The following ANOS1 variants were observed in gnomAD, a reference collection of about 807,000 sequenced individuals.
ANOS1 encodes anosmin-1.
ANOS1 carries 6 observed loss-of-function variants against 59.0 expected under a neutral mutation model. That is an observed-to-expected ratio of 0.10 (90% CI 0.06 to 0.20). ANOS1 has a LOEUF of 0.20. Ranked by LOEUF, ANOS1 falls within the 10% of genes least tolerant of loss-of-function variation. ANOS1 has a pLI of 1.00. For missense variants in ANOS1, 433 were observed against 542.3 expected, an observed-to-expected ratio of 0.80 and a Z score of 2.00; for synonymous variants, 217 against 223.4, an observed-to-expected ratio of 0.97 and a Z score of 0.25.
chrX:8,694,343 T>C (rs942380149), intron 2 of ANOS1, among the ~76,000 whole-genome samples: 22 of 112,689 alleles, frequency 2.0e-4, no homozygotes, highest in Non-Finnish European at 1.3e-4. Flanking sequence ...GAGTAATTTG[T>C]TATTTAAGAG....
At position 8,658,151 on chromosome X, in the gene ANOS1, T is replaced by C. The variant is rs73465355; in HGVS notation, c.256-34481A>G. On this transcript the variant is annotated intron_variant, in intron 2 of 13. Coordinates refer to ENST00000262648, the MANE Select transcript of ANOS1 (RefSeq NM_000216.4). ...GAAAGAGCTGTGGGTGCTCAATGTATTGGCAAGCACCATGGAAGGGACATG... is the reference window on the plus strand; with the variant it reads ...GAAAGAGCTGTGGGTGCTCAATGTACTGGCAAGCACCATGGAAGGGACATG... Among the ~76,000 whole-genome samples, 1,075 of 112,012 alleles carry C rather than the reference T, an allele frequency of 9.6e-3. 12 individuals are homozygous for C. The highest frequency in any genetic ancestry group is 0.033 in the African/African-American group (1,011 of 30,821).
At position 8,604,866 on chromosome X, in the gene ANOS1, G is replaced by T. The variant is rs185650993; in HGVS notation, c.319-7610C>A. The stretch of plus-strand genomic sequence containing the variant: ...TGAACACAGTGTCTCTGAAGTCAGT[G>T]ACATCAAAAAAATAGCACATGCTCT... On this transcript the variant is annotated intron_variant, in intron 3 of 13. Transcript: ENST00000262648. Among the ~76,000 whole-genome samples, 10 of 112,489 alleles carry T rather than the reference G, an allele frequency of 8.9e-5. No homozygotes were observed. The East Asian group carries it at 2.8e-3, about 31-fold the overall frequency.
intron 6 of ANOS1, among the ~76,000 whole-genome samples, chrX:8,581,474 A>T (rs777437738): frequency 9.0e-6 from 1 of 111,702 alleles, no homozygotes; most frequent in South Asian, 3.7e-4. Context: ...TTACATTTCC[A>T]TATGTCTCAA....
chrX:8,698,134 G>T (rs918115720), intron 2 of ANOS1, among the ~76,000 whole-genome samples: 1 of 112,070 alleles, frequency 8.9e-6, no homozygotes, highest in African/African-American at 3.2e-5. Flanking sequence ...CAGAGTTTCA[G>T]TTGGGCTTAA....
At chrX:8,715,957 G>A (rs748740338) in intron 1 of ANOS1, among the ~76,000 whole-genome samples, 1 of 110,489 alleles carries the variant, frequency 9.1e-6, no homozygotes, top group African/African-American at 3.3e-5. Flanking sequence ...ATGACAGCCA[G>A]CGCGTCTGTA....
In ANOS1 at chrX:8,677,180, G is replaced by A. The variant is rs751807794; in HGVS notation, c.255+22518C>T. On this transcript the variant is annotated intron_variant, in intron 2 of 13. Transcript: ENST00000262648. ...TATTGGGCCGATGGTTCCTTGCGAT[G>A]GTGGCTGTTCTGTGCATGGTAACAC... Among the ~76,000 whole-genome samples, 11 of 111,211 alleles carry A rather than the reference G, an allele frequency of 9.9e-5. No homozygotes were observed. In the South Asian group the frequency reaches 3.4e-3, roughly 35 times the overall value.
intron 6 of ANOS1, among the ~76,000 whole-genome samples, chrX:8,574,340 G>A (rs1318123901): frequency 9.3e-6 from 1 of 107,883 alleles, no homozygotes; most frequent in African/African-American, 3.4e-5. Context: ...ATTATGCCTT[G>A]CTTTATTATT....
intron 2 of ANOS1, among the ~76,000 whole-genome samples, chrX:8,669,403 T>G (rs1331068650): frequency 9.0e-6 from 1 of 111,461 alleles, no homozygotes; most frequent in Non-Finnish European, 1.9e-5. Flanking sequence ...AATGTATCGA[T>G]AGTAATCCAT....
intron 1 of ANOS1, among the ~76,000 whole-genome samples, chrX:8,705,384 T>C (rs1371917409): frequency 8.9e-6 from 1 of 111,956 alleles, no homozygotes; most frequent in African/African-American, 3.2e-5. Context: ...AATGCATCCA[T>C]AGTTCCTTTT....
At chrX:8,716,364 C>T (rs1398929454) in intron 1 of ANOS1, among the ~76,000 whole-genome samples, 1 of 111,989 alleles carries the variant, frequency 8.9e-6, no homozygotes, top group Non-Finnish European at 1.9e-5. Context: ...CAGAATGCTA[C>T]AAGGTCTCAT....
At chrX:8,600,590 A>T (rs1930824065) in intron 3 of ANOS1, among the ~76,000 whole-genome samples, 1 of 112,224 alleles carries the variant, frequency 8.9e-6, no homozygotes, top group Non-Finnish European at 1.9e-5. Flanking sequence ...TAATTTAATT[A>T]AAAAGAAACT....
intron 4 of ANOS1, among the ~76,000 whole-genome samples, chrX:8,588,751 A>T (rs989713001): frequency 8.9e-6 from 1 of 112,545 alleles, no homozygotes; most frequent in Admixed American, 9.4e-5. Context: ...GTTGTCTGGC[A>T]ACTGATACAT....
At chrX:8,590,342 T>C (rs1472746079) in intron 4 of ANOS1, among the ~76,000 whole-genome samples, 1 of 109,239 alleles carries the variant, frequency 9.2e-6, no homozygotes, top group East Asian at 2.8e-4. Context: ...TGTTTATGGT[T>C]TTTTTGTTTG....
chrX:8,729,953 C>T (rs1378979990), intron 1 of ANOS1, among the ~76,000 whole-genome samples: 1 of 110,472 alleles, frequency 9.1e-6, no homozygotes, highest in Non-Finnish European at 1.9e-5. Flanking sequence ...CTTATTTCAC[C>T]CCCAGCTAAT....
chrX:8,567,802 CAAACA>C (rs751853043), intron 8 of ANOS1, among the ~76,000 whole-genome samples: 11 of 110,710 alleles, frequency 9.9e-5, no homozygotes, highest in Non-Finnish European at 1.7e-4. Context: ...TCAAAAATAC[CAAACA>C]AAACAAAACA....
chrX:8,696,609 T>C (rs1163780746), intron 2 of ANOS1, among the ~76,000 whole-genome samples: 5 of 112,892 alleles, frequency 4.4e-5, no homozygotes, highest in Non-Finnish European at 9.4e-5. Flanking sequence ...AAAGTAAAAC[T>C]GCTGAGGACT....
At chrX:8,585,512 C>T (rs1451308966) in intron 5 of ANOS1, 116 bp from the exon 6 acceptor site, 1 of 847,037 alleles carries the variant, frequency 1.2e-6, no homozygotes, top group African/African-American at 2.0e-5. Context: ...AGTCTGTCTT[C>T]CCCCTGATAA....
intron 3 of ANOS1, among the ~76,000 whole-genome samples, chrX:8,600,708 G>T (rs1276624290): frequency 8.9e-6 from 1 of 112,073 alleles, no homozygotes; most frequent in Non-Finnish European, 1.9e-5. Context: ...ATTGAGTTTT[G>T]AAGCTCTAAG....
At chrX:8,544,181 G>C (rs1490865120) in intron 9 of ANOS1, among the ~76,000 whole-genome samples, 1 of 108,799 alleles carries the variant, frequency 9.2e-6, no homozygotes, top group East Asian at 2.9e-4. Flanking sequence ...AAAGTCTAAT[G>C]ACAAAGAATG....
Sources: gnomAD v4.1 joint callset for allele counts (sites outside exome capture counted in the v4.1 genomes callset) on GRCh38, gnomAD v4.1.1 for gene constraint, MANE v1.5 for transcripts, NCBI Gene and HGNC (gene_info 2026-07-23, HGNC 2026-07-21) for gene names.